ARMH3: variants seen among roughly 807,000 people sequenced by gnomAD.
The protein encoded by ARMH3 is armadillo like helical domain containing 3, also known as armadillo-like helical domain-containing protein 3.
In ARMH3, 60 loss-of-function variants were observed where a neutral mutation model predicts 99.1. That is an observed-to-expected ratio of 0.61 (90% CI 0.49 to 0.75). ARMH3 has a LOEUF of 0.75. Among genes scored for constraint, ARMH3 ranks in the 30% least tolerant of loss-of-function variants. The pLI, the probability that ARMH3 is intolerant of heterozygous loss-of-function variation, is 0.00. For missense variants in ARMH3, 679 were observed against 843.1 expected (o/e 0.81, Z 2.41); for synonymous variants, 285 against 292.8 (o/e 0.97, Z 0.27).
intron 5 of ARMH3, among the ~76,000 whole-genome samples, chr10:102,026,326 A>G (rs1186819609): frequency 2.0e-5 from 3 of 152,216 alleles, no homozygotes; most frequent in Admixed American, 1.3e-4. Flanking sequence ...ATTGTGCTTT[A>G]AAAGAATATA....
intron 19 of ARMH3, 38 bp downstream of exon 19, chr10:101,990,513 G>A (rs924055526): frequency 2.1e-6 from 3 of 1,444,362 alleles, no homozygotes; most frequent in Non-Finnish European, 2.9e-6. Context: ...CTTTAAAATA[G>A]ATTTGTACAC....
chr10:102,015,716 T>G (rs1000494297), intron 8 of ARMH3, among the ~76,000 whole-genome samples: 1 of 152,178 alleles, frequency 6.6e-6, no homozygotes, highest in Non-Finnish European at 1.5e-5. Flanking sequence ...TGGGGTCATC[T>G]GATTTCCAAG....
intron 23 of ARMH3, among the ~76,000 whole-genome samples, chr10:101,924,281 C>T (rs1258617341): frequency 6.6e-6 from 1 of 151,730 alleles, no homozygotes; most frequent in African/African-American, 2.4e-5. Flanking sequence ...GGGAGATTCA[C>T]CAAAATAACA....
In ARMH3 at chr10:102,055,252, G is replaced by A. The variant is rs532281241; in HGVS notation, c.-12+833C>T. 3.3e-5 allele frequency among the ~76,000 whole-genome samples: 5 copies of A among 151,176 alleles called. No individual in the cohort carries two copies. The South Asian group carries it at 1.0e-3, about 32-fold the overall frequency. On this transcript the variant is annotated intron_variant, in intron 1 of 25. Coordinates refer to ENST00000370033, the MANE Select transcript of ARMH3 (RefSeq NM_024541.3). ...GCAGAGGTTGTGGTAAGCCGAGATC[G>A]GGCAACTGCACTCCAGACTGGGCGA...
chr10:101,969,516 T>C (rs765653599), intron 20 of ARMH3, among the ~76,000 whole-genome samples: 5 of 152,214 alleles, frequency 3.3e-5, no homozygotes, highest in African/African-American at 4.8e-5. Context: ...AGGCTCTCAA[T>C]TGCCAGTCTT....
chr10:101,975,637 A>C (rs1327259704), intron 19 of ARMH3, among the ~76,000 whole-genome samples: 1 of 149,088 alleles, frequency 6.7e-6, no homozygotes, highest in Non-Finnish European at 1.5e-5. Flanking sequence ...AGGCCGAGGC[A>C]GGCAGATCAC....
At chr10:101,850,235 C>T (rs976807829) in intron 24 of ARMH3, among the ~76,000 whole-genome samples, 7 of 147,058 alleles carry the variant, frequency 4.8e-5, no homozygotes, top group African/African-American at 1.8e-4. Context: ...GTAGCTGGGA[C>T]GACAGGGGCA....
intron 2 of ARMH3, among the ~76,000 whole-genome samples, chr10:102,038,454 G>T (rs948140359): frequency 2.0e-5 from 3 of 152,062 alleles, no homozygotes; most frequent in Non-Finnish European, 4.4e-5. Flanking sequence ...GCTTGTACTG[G>T]CCTGGGCAAT....
intron 23 of ARMH3, among the ~76,000 whole-genome samples, chr10:101,908,664 CTTTTTT>C (rs373262667): frequency 7.3e-6 from 1 of 137,360 alleles, no homozygotes; most frequent in East Asian, 2.1e-4. Context: ...TTTTCTTTTT[CTTTTTT>C]TTTTTTTTTT....
At chr10:101,975,933 T>C (rs1845976929) in intron 19 of ARMH3, among the ~76,000 whole-genome samples, 1 of 150,598 alleles carries the variant, frequency 6.6e-6, no homozygotes, top group African/African-American at 2.4e-5. Context: ...GGCGGGCAGA[T>C]CACGAGGTCA....
chr10:101,939,446 A>C (rs1844136777), intron 23 of ARMH3, among the ~76,000 whole-genome samples: 2 of 152,184 alleles, frequency 1.3e-5, no homozygotes, highest in Admixed American at 1.3e-4. Flanking sequence ...CATGGACTCC[A>C]ATTGCCTCTG....
chr10:101,927,522 C>T (rs1843555870), intron 23 of ARMH3, among the ~76,000 whole-genome samples: 1 of 152,224 alleles, frequency 6.6e-6, no homozygotes, highest in Non-Finnish European at 1.5e-5. Context: ...AAGGTCCATA[C>T]TCTGAGTTAC....
In ARMH3 at chr10:101,988,712, C is replaced by G. The variant is rs75892034; in HGVS notation, c.1406+1839G>C. Among the ~76,000 whole-genome samples, 44 of 152,270 alleles carry G rather than the reference C, an allele frequency of 2.9e-4. No homozygotes were observed. In the East Asian group the frequency reaches 4.8e-3, roughly 17 times the overall value. On this transcript the variant is annotated intron_variant, in intron 19 of 25. Coordinates refer to ENST00000370033, the MANE Select transcript of ARMH3 (RefSeq NM_024541.3). ...CCAAGGCAGGCAGATCACCTAAGGT[C>G]AGGAGTTCTAGACCAGCCTGGCCAA...
chr10:102,048,913 T>C (rs559835384), intron 1 of ARMH3, among the ~76,000 whole-genome samples: 1 of 152,212 alleles, frequency 6.6e-6, no homozygotes, highest in Admixed American at 6.5e-5. Context: ...AGGTAAACAT[T>C]AGCACTATAA....
At chr10:101,901,416 G>A (rs552096821) in intron 23 of ARMH3, among the ~76,000 whole-genome samples, 16 of 152,130 alleles carry the variant, frequency 1.1e-4, no homozygotes, top group Admixed American at 5.9e-4. Flanking sequence ...TTAAGCAAAC[G>A]AACATTTACC....
intron 24 of ARMH3, among the ~76,000 whole-genome samples, chr10:101,854,104 C>T (rs2066676243): frequency 6.6e-6 from 1 of 152,088 alleles, no homozygotes; most frequent in African/African-American, 2.4e-5. Flanking sequence ...CAGAGCGAGA[C>T]TCCGTCTCAA....
intron 24 of ARMH3, among the ~76,000 whole-genome samples, chr10:101,866,137 CT>C (rs1258684033): frequency 6.6e-6 from 1 of 151,734 alleles, no homozygotes; most frequent in African/African-American, 2.4e-5. Flanking sequence ...AGGAGAATCA[CT>C]TGAACCCAGG....
At chr10:101,911,269 A>C (rs1261604872) in intron 23 of ARMH3, among the ~76,000 whole-genome samples, 2 of 152,226 alleles carry the variant, frequency 1.3e-5, no homozygotes, top group Non-Finnish European at 2.9e-5. Flanking sequence ...AATGGGTGCC[A>C]GGCTGCAATT....
intron 24 of ARMH3, among the ~76,000 whole-genome samples, chr10:101,879,415 T>C (rs1009227496): frequency 3.9e-5 from 6 of 151,902 alleles, no homozygotes; most frequent in African/African-American, 1.5e-4. Flanking sequence ...AATGGCGTAA[T>C]CTTGGCTTAC....
Sources: allele counts gnomAD v4.1 joint callset (sites outside exome capture counted in the v4.1 genomes callset), GRCh38; gene constraint gnomAD v4.1.1; transcripts MANE v1.5; gene names NCBI Gene and HGNC (gene_info 2026-07-23, HGNC 2026-07-21).